Variants in KCNQ1 observed in about 807,000 individuals in gnomAD.
KCNQ1 encodes the protein potassium voltage-gated channel subfamily Q member 1, also known as potassium voltage-gated channel subfamily KQT member 1.
KCNQ1 carries 49 observed loss-of-function variants against 72.4 expected under a neutral mutation model. The observed-to-expected ratio is 0.68, with a 90% CI of 0.54 to 0.86. The LOEUF (loss-of-function observed/expected upper bound fraction) is 0.86. Among genes scored for constraint, KCNQ1 ranks in the 40% least tolerant of loss-of-function variants. The pLI is 0.00. For missense variants in KCNQ1, 790 were observed against 945.1 expected (o/e 0.84, Z 2.15); for synonymous variants, 450 against 412.6 (o/e 1.09, Z -1.10).
At chr11:2,569,653 C>T (rs1240972613) in intron 2 of KCNQ1, among the ~76,000 whole-genome samples, 1 of 152,244 alleles carries the variant, frequency 6.6e-6, no homozygotes, top group African/African-American at 2.4e-5. Flanking sequence ...CACACACCTT[C>T]CCCAAGGGCC....
rs1846869748 is a variant in KCNQ1, at chr11:2,493,723, C to G, written c.387-34205C>G. Among the ~76,000 whole-genome samples, 1 of 152,108 alleles carries G rather than the reference C, an allele frequency of 6.6e-6. No homozygotes were observed. The highest frequency in any genetic ancestry group is 1.5e-5 in the Non-Finnish European group (1 of 68,022). ...TTGGTTTATATATCTGTCTTCATAC[C>G]AGTACCATGCTGTTTTCGTTACTAT... On this transcript the variant is annotated intron_variant, in intron 1 of 15. Transcript: ENST00000155840. This position sits in a 1 kb window ranked among gnomAD's most constrained non-coding sequence, Gnocchi z 5.3.
chr11:2,704,509 G>A lies in KCNQ1; in HGVS notation c.1514+42428G>A, dbSNP rs368051889. Among the ~76,000 whole-genome samples the A allele has an allele frequency of 6.6e-6, 1 of 152,212 alleles. No individual in the cohort carries two copies. Among genetic ancestry groups the A allele is most frequent in the Non-Finnish European group, 1.5e-5 (1 of 68,048 alleles). Reference sequence around the variant, plus strand: ...GTCCTTTTGGGCCTTGTAGGCTGTCGTCAGAGGGGAGGCACAGTGGGGAGT... The same window carrying A: ...GTCCTTTTGGGCCTTGTAGGCTGTCATCAGAGGGGAGGCACAGTGGGGAGT... On this transcript the variant is annotated intron_variant, in intron 11 of 15. Coordinates refer to ENST00000155840, the MANE Select transcript of KCNQ1 (RefSeq NM_000218.3). The surrounding 1 kb of genome is among the most constrained non-coding windows in gnomAD (Gnocchi z 4.3).
rs1060500628 is a variant in KCNQ1, at chr11:2,572,062, G to A, written c.733G>A (p.Gly245Arg). Residue 245 changes from glycine (G) to arginine (R), a missense_variant, in exon 5 of 16, where the codon GGA (glycine) becomes AGA (arginine). By Grantham distance (125) the Gly-to-Arg change is moderately radical. This residue lies in a region of KCNQ1 where 133 missense variants were observed against 219.5 expected (regional missense o/e 0.61). Coordinates refer to ENST00000155840, the MANE Select transcript of KCNQ1 (RefSeq NM_000218.3). ...ILRMLHVDRQ[G>R]GTWRLLGSVV... ...GAGGATGCTACACGTCGACCGCCAG[G>A]GAGGCACCTGGAGGCTCCTGGGCTC... The A allele has an allele frequency of 6.2e-7, 1 of 1,612,906 alleles. No homozygotes were observed. Among genetic ancestry groups the A allele is most frequent in the Non-Finnish European group, 8.5e-7 (1 of 1,179,894 alleles).
At position 2,515,807 on chromosome 11, in the gene KCNQ1, C is replaced by T. The variant is rs1365853435; in HGVS notation, c.387-12121C>T. 1.3e-5 allele frequency among the ~76,000 whole-genome samples: 2 copies of T among 152,080 alleles called. No homozygotes were observed. Among genetic ancestry groups the T allele is most frequent in the Non-Finnish European group, 2.9e-5 (2 of 67,998 alleles). ...CCCTGGGAGCACAGAGCCCCGTTCC[C>T]AGCAGCCCTCGGCCCTGGGGGGCTT... is the stretch of plus-strand genomic sequence containing the variant. On this transcript the variant is annotated intron_variant, in intron 1 of 15. Transcript: ENST00000155840. This position sits in a 1 kb window ranked among gnomAD's most constrained non-coding sequence, Gnocchi z 4.7.
chr11:2,495,187 C>T lies in KCNQ1; in HGVS notation c.387-32741C>T, dbSNP rs1205180218. 6.6e-6 allele frequency among the ~76,000 whole-genome samples: 1 copy of T among 151,876 alleles called. No homozygotes were observed. The highest frequency in any genetic ancestry group is 1.5e-5 in the Non-Finnish European group (1 of 67,986). ...TTTCTGTGGGATCAGTGGTGATATC[C>T]CCTTTATCATTTTTTATTGCATCTA... On this transcript the variant is annotated intron_variant, in intron 1 of 15. Transcript: ENST00000155840. The surrounding 1 kb of genome is among the most constrained non-coding windows in gnomAD (Gnocchi z 4.6).
chr11:2,559,551 A>C lies in KCNQ1; in HGVS notation c.478-11077A>C, dbSNP rs575156191. Among the ~76,000 whole-genome samples, 1 of 152,180 alleles carries C rather than the reference A, an allele frequency of 6.6e-6. No homozygotes were observed. Among genetic ancestry groups the C allele is most frequent in the Admixed American group, 6.5e-5 (1 of 15,290 alleles). Reference sequence around the variant, plus strand: ...GGGGACCAGACGACAGCTGTCACCCACTTGCAGGGCCCGGCTGCCCGGTGG... The same window carrying C: ...GGGGACCAGACGACAGCTGTCACCCCCTTGCAGGGCCCGGCTGCCCGGTGG... On this transcript the variant is annotated intron_variant, in intron 2 of 15. Coordinates refer to ENST00000155840, the MANE Select transcript of KCNQ1 (RefSeq NM_000218.3). The surrounding 1 kb of genome is among the most constrained non-coding windows in gnomAD (Gnocchi z 4.9).
At position 2,695,229 on chromosome 11, in the gene KCNQ1, C is replaced by T. The variant is rs944289197; in HGVS notation, c.1514+33148C>T. ...CCTGTAAGGGTCTGCATAAAGTCAC[C>T]GCTCTCTTCCTCTCCATGCTTTTCC... is the stretch of plus-strand genomic sequence containing the variant. On this transcript the variant is annotated intron_variant, in intron 11 of 15. Coordinates refer to ENST00000155840, the MANE Select transcript of KCNQ1 (RefSeq NM_000218.3). This position sits in a 1 kb window ranked among gnomAD's most constrained non-coding sequence, Gnocchi z 5.2. 3.5e-5 allele frequency: 14 copies of T among 398,440 alleles called. No individual in the cohort carries two copies. The highest frequency in any genetic ancestry group is 6.2e-4 in the Middle Eastern group (1 of 1,608). 24.7% of individuals were successfully genotyped at this position (398,440 alleles called of 1,614,324 possible).
chr11:2,555,741 C>A (rs1481627888), intron 2 of KCNQ1, among the ~76,000 whole-genome samples: 1 of 152,268 alleles, frequency 6.6e-6, no homozygotes, highest in Non-Finnish European at 1.5e-5. Context: ...TGCCCCTGGG[C>A]CTTTTCTTCT....
rs755269152 is a variant in KCNQ1, at chr11:2,572,820, C to T, written c.781-26C>T. 8.6e-5 allele frequency: 138 copies of T among 1,613,314 alleles called. 1 individual carries two copies. The highest frequency in any genetic ancestry group is 1.1e-4 in the Non-Finnish European group (126 of 1,179,988). ...GCTCCCAGCCTGCGGTTCCTGGAGC[C>T]CGACACTGTGTGTTTTCTGGCCTAG... On this transcript the variant is annotated intron_variant, in intron 5 of 15. Coordinates refer to ENST00000155840, the MANE Select transcript of KCNQ1 (RefSeq NM_000218.3).
Position 2,679,407 on chromosome 11 carries a change from A to G in KCNQ1, c.1514+17326A>G, listed in dbSNP as rs1267935226. On this transcript the variant is annotated intron_variant, in intron 11 of 15. Coordinates refer to ENST00000155840, the MANE Select transcript of KCNQ1 (RefSeq NM_000218.3). This position sits in a 1 kb window ranked among gnomAD's most constrained non-coding sequence, Gnocchi z 4.8. ...TTTCTTTATTTGTAAAATGGGAATCATAAGAGTACCTTCCTCAGAGGGTTG... is the reference window on the plus strand; with the variant it reads ...TTTCTTTATTTGTAAAATGGGAATCGTAAGAGTACCTTCCTCAGAGGGTTG... 5.0e-6 allele frequency: 2 copies of G among 398,676 alleles called. No homozygotes were observed. The highest frequency in any genetic ancestry group is 8.8e-6 in the Non-Finnish European group (2 of 226,074). The allele number at this position is 398,676 out of a possible 1,614,324, so 24.7% of individuals were successfully genotyped here.
In KCNQ1 at chr11:2,654,375, T is replaced by G; in HGVS notation, c.1394-7586T>G. The G allele has an allele frequency of 2.5e-6, 1 of 398,326 alleles. No homozygotes were observed. Among genetic ancestry groups the G allele is most frequent in the South Asian group, 1.3e-4 (1 of 7,832 alleles). 24.7% of individuals were successfully genotyped at this position (398,326 alleles called of 1,614,324 possible). A position where few individuals can be genotyped will look rare whatever the true frequency, so the allele number is the denominator to read the frequency against. On this transcript the variant is annotated intron_variant, in intron 10 of 15. Transcript: ENST00000155840. This position sits in a 1 kb window ranked among gnomAD's most constrained non-coding sequence, Gnocchi z 6.4. The stretch of plus-strand genomic sequence containing the variant: ...AGAGCTTCTGTTCATCCTTGTGAAG[T>G]AGGCTGGCTCAGGGAACTCGCCTGT...
At position 2,562,455 on chromosome 11, in the gene KCNQ1, G is replaced by A. The variant is rs954465022; in HGVS notation, c.478-8173G>A. On this transcript the variant is annotated intron_variant, in intron 2 of 15. Transcript: ENST00000155840. The surrounding 1 kb of genome is among the most constrained non-coding windows in gnomAD (Gnocchi z 7.5). The stretch of plus-strand genomic sequence containing the variant: ...TCAGGGCCGGGCCGGTGTGGAGTTG[G>A]AACAGCTGGCCCCAAAGCCCGCCAG... 2.0e-5 allele frequency among the ~76,000 whole-genome samples: 3 copies of A among 152,178 alleles called. No individual in the cohort carries two copies. Among genetic ancestry groups the A allele is most frequent in the Non-Finnish European group, 2.9e-5 (2 of 68,018 alleles).
chr11:2,564,029 G>A lies in KCNQ1; in HGVS notation c.478-6599G>A, dbSNP rs1427088867. On this transcript the variant is annotated intron_variant, in intron 2 of 15. Transcript: ENST00000155840. The surrounding 1 kb of genome is among the most constrained non-coding windows in gnomAD (Gnocchi z 4.5). Reference sequence around the variant, plus strand: ...ATCCTTTTGGAGACCTGACCCGCGGGAGCCCAGGTGAGCAACCGCCACGGG... The same window carrying A: ...ATCCTTTTGGAGACCTGACCCGCGGAAGCCCAGGTGAGCAACCGCCACGGG... 2.6e-5 allele frequency among the ~76,000 whole-genome samples: 4 copies of A among 152,176 alleles called. No individual in the cohort carries two copies. Among genetic ancestry groups the A allele is most frequent in the African/African-American group, 7.2e-5 (3 of 41,516 alleles).
intron 15 of KCNQ1, among the ~76,000 whole-genome samples, chr11:2,807,399 A>C (rs1263713362): frequency 2.0e-5 from 3 of 152,290 alleles, no homozygotes; most frequent in Non-Finnish European, 4.4e-5. Context: ...GGGACCCTCC[A>C]TGGAGAGCGG....
intron 11 of KCNQ1, among the ~76,000 whole-genome samples, chr11:2,749,145 A>T (rs1846184246): frequency 6.6e-6 from 1 of 152,112 alleles, no homozygotes; most frequent in African/African-American, 2.4e-5. Flanking sequence ...AACATCAGAG[A>T]CCTCAGGTCT....
At chr11:2,535,690 A>G (rs1249080394) in intron 2 of KCNQ1, among the ~76,000 whole-genome samples, 1 of 151,470 alleles carries the variant, frequency 6.6e-6, no homozygotes, top group Non-Finnish European at 1.5e-5. Flanking sequence ...TCTATCACCC[A>G]CTCTGCACCT....
rs1851176158 is a variant in KCNQ1 at position 2,720,029 on chromosome 11, C to T, written c.1515-48815C>T. Among the ~76,000 whole-genome samples, 1 of 152,236 alleles carries T rather than the reference C, an allele frequency of 6.6e-6. No individual in the cohort carries two copies. Among genetic ancestry groups the T allele is most frequent in the Non-Finnish European group, 1.5e-5 (1 of 68,044 alleles). On this transcript the variant is annotated intron_variant, in intron 11 of 15. Transcript: ENST00000155840. The surrounding 1 kb of genome is among the most constrained non-coding windows in gnomAD (Gnocchi z 5.1). Reference sequence around the variant, plus strand: ...TCACCATACATGCAAATGTAGCAAACTGCAAAATGTCCCAAAACAAGTCCC... The same window carrying T: ...TCACCATACATGCAAATGTAGCAAATTGCAAAATGTCCCAAAACAAGTCCC...
chr11:2,807,642 G>A (rs1163930770), intron 15 of KCNQ1, among the ~76,000 whole-genome samples: 1 of 152,126 alleles, frequency 6.6e-6, no homozygotes, highest in Non-Finnish European at 1.5e-5. Context: ...CCGGCGGTGG[G>A]CACAGGCGGG....
chr11:2,738,512 G>C (rs1845996330), intron 11 of KCNQ1, among the ~76,000 whole-genome samples: 1 of 152,200 alleles, frequency 6.6e-6, no homozygotes, highest in African/African-American at 2.4e-5. Context: ...ACCCTGGCCA[G>C]AGCCATGGCC....
Sources: allele counts gnomAD v4.1 joint callset (sites outside exome capture counted in the v4.1 genomes callset), GRCh38; gene constraint gnomAD v4.1.1; regional missense constraint gnomAD v4.1.1; non-coding constraint Gnocchi (gnomAD v3.1); transcripts MANE v1.5; gene names NCBI Gene and HGNC (gene_info 2026-07-23, HGNC 2026-07-21).